LRP1B: variants seen among roughly 807,000 people sequenced by gnomAD.
The protein encoded by LRP1B is low-density lipoprotein receptor-related protein 1B.
Under a neutral mutation model 556.6 loss-of-function variants are expected in LRP1B, and 217 were observed. That is an observed-to-expected ratio of 0.39 (90% CI 0.35 to 0.44). The LOEUF is 0.44. Ranked by LOEUF, LRP1B falls within the 20% of genes least tolerant of loss-of-function variation. LRP1B has a pLI of 1.00. For synonymous variants in LRP1B, 2,047 were observed against 1,865.8 expected, an observed-to-expected ratio of 1.10 and a Z score of -2.50; for missense variants, 5,053 against 5,620.8, an observed-to-expected ratio of 0.90 and a Z score of 3.23.
At chr2:140,346,048 T>C (rs902531375) in intron 77 of LRP1B, among the ~76,000 whole-genome samples, 6 of 151,128 alleles carry the variant, frequency 4.0e-5, no homozygotes, top group Non-Finnish European at 5.9e-5. Flanking sequence ...ATTGATTTCT[T>C]TATGAGTTTA....
At chr2:141,248,264 T>C (rs1261558871) in intron 4 of LRP1B, among the ~76,000 whole-genome samples, 2 of 152,216 alleles carry the variant, frequency 1.3e-5, no homozygotes, top group Non-Finnish European at 1.5e-5. Flanking sequence ...GCCTGTTTTA[T>C]GTACGAAGCA....
chr2:142,065,756 A>C (rs1705086755), intron 1 of LRP1B, among the ~76,000 whole-genome samples: 1 of 151,404 alleles, frequency 6.6e-6, no homozygotes, highest in Admixed American at 6.6e-5. Flanking sequence ...CCTTCACCCC[A>C]TTCCAAAATT....
At chr2:141,430,611 C>G (rs972093976) in intron 3 of LRP1B, among the ~76,000 whole-genome samples, 2 of 120,104 alleles carry the variant, frequency 1.7e-5, no homozygotes, top group African/African-American at 5.9e-5. Context: ...TTTAGTGATT[C>G]AATTTTTATT....
At chr2:141,092,491 C>T (rs183482890) in intron 7 of LRP1B, among the ~76,000 whole-genome samples, 22 of 152,136 alleles carry the variant, frequency 1.4e-4, no homozygotes, top group African/African-American at 5.3e-4. Flanking sequence ...GGAAGAGGTC[C>T]AGGTATAAGA....
chr2:140,964,332 C>A (rs911670041), intron 18 of LRP1B, among the ~76,000 whole-genome samples: 3 of 152,156 alleles, frequency 2.0e-5, no homozygotes, highest in East Asian at 1.9e-4. Flanking sequence ...CGGATAACTG[C>A]GGGCGAGCCT....
chr2:140,298,303 A>T (rs1443152420), intron 83 of LRP1B, among the ~76,000 whole-genome samples: 3 of 50,002 alleles, frequency 6.0e-5, no homozygotes, highest in African/African-American at 1.8e-4. Context: ...CCTTTCAATT[A>T]TTTTTATTCT....
intron 78 of LRP1B, among the ~76,000 whole-genome samples, 184 bp downstream of exon 78, chr2:140,335,431 A>G (rs993211603): frequency 6.6e-6 from 1 of 151,992 alleles, no homozygotes; most frequent in Non-Finnish European, 1.5e-5. Flanking sequence ...CAGAAAAAAA[A>G]TTTGTATCAT....
Position 140,371,253 on chromosome 2 carries a change from A to G in LRP1B, c.10801T>C (p.Cys3601Arg), listed in dbSNP as rs771286195. 1.3e-6 allele frequency: 2 copies of G among 1,594,284 alleles called. No homozygotes were observed. The highest frequency in any genetic ancestry group is 1.7e-6 in the Non-Finnish European group (2 of 1,170,178). The stretch of plus-strand genomic sequence containing the variant: ...GCTGAAATACATCCATCACTGGCAC[A>G]TATATATTCACGTGATGAGCAAGTA... ...SPTCSSREYI[C>R]ASDGCISASL... The change falls in exon 70 of 91, where the codon TGT becomes CGT. Residue 3601 changes from cysteine to arginine, a missense_variant. Transcript: ENST00000389484.
chr2:141,977,066 T>A (rs909231912), intron 1 of LRP1B, among the ~76,000 whole-genome samples: 4 of 152,188 alleles, frequency 2.6e-5, no homozygotes, highest in Admixed American at 1.3e-4. Context: ...GACTTGGTGG[T>A]AAAAAGTTGC....
chr2:140,245,021 T>C (rs1385282712), intron 87 of LRP1B, among the ~76,000 whole-genome samples: 1 of 151,392 alleles, frequency 6.6e-6, no homozygotes. Context: ...TCTCGAAGCA[T>C]AAATGTCTGA....
Position 140,908,147 on chromosome 2 carries a change from T to G in LRP1B, c.3320-70A>C, listed in dbSNP as rs567906506. On this transcript the variant is annotated intron_variant, in intron 21 of 90. Coordinates refer to ENST00000389484, the MANE Select transcript of LRP1B (RefSeq NM_018557.3). Reference sequence around the variant, plus strand: ...TCATTATGATAATGAGTGGCCATTATTGTCTTCAGTCACAGGCAGAATTAC... The same window carrying G: ...TCATTATGATAATGAGTGGCCATTAGTGTCTTCAGTCACAGGCAGAATTAC... The G allele has an allele frequency of 4.2e-6, 5 of 1,196,008 alleles. No individual in the cohort carries two copies. In the African/African-American group the frequency reaches 7.5e-5, roughly 18 times the overall value. The allele number at this position is 1,196,008 out of a possible 1,614,324, so 74.1% of individuals were successfully genotyped here.
intron 2 of LRP1B, among the ~76,000 whole-genome samples, chr2:141,730,061 C>A (rs1693213732): frequency 6.6e-6 from 1 of 152,150 alleles, no homozygotes; most frequent in Admixed American, 6.6e-5. Context: ...TCTCACGGAA[C>A]TGTGGGCGAG....
chr2:141,232,470 C>T (rs547732098), intron 5 of LRP1B, among the ~76,000 whole-genome samples: 1 of 152,264 alleles, frequency 6.6e-6, no homozygotes, highest in African/African-American at 2.4e-5. Flanking sequence ...AGTCAGTAAA[C>T]TTAATGTAGG....
At chr2:141,261,511 T>C (rs2105351978) in intron 3 of LRP1B, among the ~76,000 whole-genome samples, 1 of 152,276 alleles carries the variant, frequency 6.6e-6, no homozygotes, top group Non-Finnish European at 1.5e-5. Flanking sequence ...ACCTCTACAG[T>C]CAACCCATTG....
chr2:140,961,700 G>A (rs1696040005), intron 18 of LRP1B, among the ~76,000 whole-genome samples: 1 of 151,780 alleles, frequency 6.6e-6, no homozygotes, highest in Non-Finnish European at 1.5e-5. Flanking sequence ...TTACATTATT[G>A]TTATCACAAT....
At chr2:140,362,196 T>C (rs771431104) in intron 72 of LRP1B, among the ~76,000 whole-genome samples, 1 of 151,680 alleles carries the variant, frequency 6.6e-6, no homozygotes, top group African/African-American at 2.4e-5. Context: ...TATCCCATAT[T>C]TGTAAACTTT....
intron 2 of LRP1B, among the ~76,000 whole-genome samples, chr2:141,721,552 T>G (rs1315185342): frequency 2.0e-5 from 3 of 152,302 alleles, no homozygotes; most frequent in Non-Finnish European, 2.9e-5. Flanking sequence ...TTAATTCAGA[T>G]TAATGTATTC....
intron 3 of LRP1B, among the ~76,000 whole-genome samples, chr2:141,435,655 G>T (rs1479101321): frequency 6.6e-6 from 1 of 152,206 alleles, no homozygotes; most frequent in East Asian, 1.9e-4. Context: ...GGTGCACACT[G>T]GATACAGGGT....
intron 4 of LRP1B, among the ~76,000 whole-genome samples, chr2:141,252,027 A>C (rs1257205360): frequency 6.6e-6 from 1 of 151,880 alleles, no homozygotes; most frequent in East Asian, 1.9e-4. Flanking sequence ...ACACAAAAAC[A>C]AAAACAAATT....
Sources: gnomAD v4.1 joint callset for allele counts (sites outside exome capture counted in the v4.1 genomes callset) on GRCh38, gnomAD v4.1.1 for gene constraint, MANE v1.5 for transcripts, NCBI Gene and HGNC (gene_info 2026-07-23, HGNC 2026-07-21) for gene names.